PLXNA4: variants seen among roughly 807,000 people sequenced by gnomAD.
The protein encoded by PLXNA4 is plexin A4.
PLXNA4 carries 44 observed loss-of-function variants against 191.8 expected under a neutral mutation model. That is an observed-to-expected ratio of 0.23 (90% CI 0.18 to 0.29). The LOEUF (loss-of-function observed/expected upper bound fraction) is 0.29. Ranked by LOEUF, PLXNA4 falls within the 10% of genes least tolerant of loss-of-function variation. The pLI is 1.00. For missense variants in PLXNA4, 1,800 were observed against 2,488.8 expected (o/e 0.72, Z 5.89); for synonymous variants, 1,082 against 1,009.5 (o/e 1.07, Z -1.36).
intron 3 of PLXNA4, among the ~76,000 whole-genome samples, chr7:132,486,503 C>T (rs13230920): frequency 0.056 from 8,582 of 152,324 alleles, 302 homozygotes; most frequent in Non-Finnish European, 0.082. Context: ...TCTGCAGGCA[C>T]GGGAGCCGGG....
chr7:132,645,161 C>T (rs180843161), intron 2 of PLXNA4, among the ~76,000 whole-genome samples: 3 of 152,280 alleles, frequency 2.0e-5, no homozygotes, highest in Non-Finnish European at 2.9e-5. Context: ...TTCATGCAGC[C>T]GCTTCCTTTG....
chr7:132,351,522 C>G (rs1235052919), intron 3 of PLXNA4, among the ~76,000 whole-genome samples: 1 of 152,200 alleles, frequency 6.6e-6, no homozygotes, highest in South Asian at 2.1e-4. Context: ...CTCCAGCTTC[C>G]TGGGAGGGGA....
intron 25 of PLXNA4, among the ~76,000 whole-genome samples, chr7:132,152,771 T>C (rs552811750): frequency 6.6e-6 from 1 of 152,318 alleles, no homozygotes; most frequent in African/African-American, 2.4e-5. Context: ...TGCTATGAGA[T>C]GCTGAGCTCA....
intron 3 of PLXNA4, among the ~76,000 whole-genome samples, chr7:132,315,795 AAT>A (rs1801922103): frequency 6.6e-6 from 1 of 152,218 alleles, no homozygotes; most frequent in Non-Finnish European, 1.5e-5. Flanking sequence ...CATGAGGAAG[AAT>A]ATGTCCTAGG....
chr7:132,595,207 G>A (rs1254164267), intron 2 of PLXNA4, among the ~76,000 whole-genome samples: 2 of 152,046 alleles, frequency 1.3e-5, no homozygotes. Flanking sequence ...CCAGCACCCA[G>A]CAGTGATGTC....
At chr7:132,343,783 G>A (rs972652552) in intron 3 of PLXNA4, among the ~76,000 whole-genome samples, 1 of 152,134 alleles carries the variant, frequency 6.6e-6, no homozygotes, top group East Asian at 1.9e-4. Context: ...TGGGCATGGT[G>A]GTGCACACCT....
chr7:132,518,879 G>GGT (rs1192138226), intron 1 of PLXNA4, among the ~76,000 whole-genome samples: 2 of 152,100 alleles, frequency 1.3e-5, no homozygotes, highest in African/African-American at 4.8e-5. Flanking sequence ...TGGCCTGGAG[G>GGT]GTGTTCCCTC....
chr7:132,415,826 T>C (rs529979362), intron 3 of PLXNA4, among the ~76,000 whole-genome samples: 1 of 152,252 alleles, frequency 6.6e-6, no homozygotes, highest in South Asian at 2.1e-4. Flanking sequence ...CTGCAGCTAG[T>C]AAGTGGTCAA....
chr7:132,128,361 G>T lies in PLXNA4; in HGVS notation c.*2118C>A, dbSNP rs1273103600. The T allele has an allele frequency of 3.3e-5, 5 of 151,874 alleles. No individual in the cohort carries two copies. 9.4% of individuals were successfully genotyped at this position (151,874 alleles called of 1,614,324 possible). ...GTTGCTCATGTCTTTTCCACCATCTGTCCTCTGCGATGTCACATGATGCCC... is the reference window on the plus strand; with the variant it reads ...GTTGCTCATGTCTTTTCCACCATCTTTCCTCTGCGATGTCACATGATGCCC... On this transcript the variant is annotated 3_prime_UTR_variant, in exon 32 of 32. Coordinates refer to ENST00000321063, the MANE Select transcript of PLXNA4 (RefSeq NM_020911.2).
At chr7:132,283,599 C>T (rs376665299) in intron 4 of PLXNA4, among the ~76,000 whole-genome samples, 2 of 93,772 alleles carry the variant, frequency 2.1e-5, no homozygotes, top group African/African-American at 7.0e-5. Context: ...CAGAACAGCA[C>T]ACACAAAAAA....
chr7:132,149,255 G>T (rs989394185), intron 25 of PLXNA4, among the ~76,000 whole-genome samples: 3 of 152,124 alleles, frequency 2.0e-5, no homozygotes, highest in African/African-American at 7.2e-5. Context: ...TGATATCAAC[G>T]TTGTAATCTA....
At chr7:132,434,814 T>C (rs755897707) in intron 3 of PLXNA4, among the ~76,000 whole-genome samples, 2 of 152,170 alleles carry the variant, frequency 1.3e-5, no homozygotes, top group Non-Finnish European at 2.9e-5. Flanking sequence ...GGTACAGATG[T>C]AGAGAGTTAG....
rs1354532389 is a variant in PLXNA4, at chr7:132,489,925, A to G, written c.1189-451T>C. Among the ~76,000 whole-genome samples, 3 of 152,216 alleles carry G rather than the reference A, an allele frequency of 2.0e-5. No individual in the cohort carries two copies. The East Asian group carries it at 5.8e-4, about 29-fold the overall frequency. ...ACACAAAGAGGAATGTGGTCTTCGT[A>G]TCTATACAGAAGAGGGATGTGGTCT... On this transcript the variant is annotated intron_variant, in intron 2 of 31. Transcript: ENST00000321063.
At chr7:132,516,331 C>G (rs1002577585) in intron 1 of PLXNA4, among the ~76,000 whole-genome samples, 1 of 151,928 alleles carries the variant, frequency 6.6e-6, no homozygotes, top group Non-Finnish European at 1.5e-5. Flanking sequence ...AGAGAAACTA[C>G]GTCTTTCGTA....
intron 27 of PLXNA4, among the ~76,000 whole-genome samples, chr7:132,147,122 T>A (rs1052549702): frequency 1.3e-5 from 2 of 152,208 alleles, no homozygotes; most frequent in Admixed American, 1.3e-4. Flanking sequence ...GGATGAGTAA[T>A]CACTGGGTAA....
chr7:132,435,832 G>A (rs1173519888), intron 3 of PLXNA4, among the ~76,000 whole-genome samples: 1 of 152,114 alleles, frequency 6.6e-6, no homozygotes, highest in Non-Finnish European at 1.5e-5. Flanking sequence ...CCCCTACAAA[G>A]CTCTAAGCTT....
intron 23 of PLXNA4, among the ~76,000 whole-genome samples, chr7:132,164,883 G>A (rs925202184): frequency 1.9e-4 from 29 of 152,318 alleles, no homozygotes; most frequent in African/African-American, 6.7e-4. Context: ...ACCATGCAGG[G>A]CCTCTCAGGG....
rs144497226 is a variant in PLXNA4, at chr7:132,479,807, T to G, written c.1371+9485A>C. On this transcript the variant is annotated intron_variant, in intron 3 of 31. Transcript: ENST00000321063. ...TGGGACTACAGGCATGTACCATCAT[T>G]CCCAGCTAATTTTGTTTATTTTTAT... is the stretch of plus-strand genomic sequence containing the variant. Among the ~76,000 whole-genome samples the G allele has an allele frequency of 5.6e-3, 846 of 152,144 alleles. 17 individuals are homozygous for G. The highest frequency in any genetic ancestry group is 0.02 in the African/African-American group (810 of 41,500).
intron 21 of PLXNA4, among the ~76,000 whole-genome samples, chr7:132,173,273 G>T (rs1471730700): frequency 6.6e-6 from 1 of 152,184 alleles, no homozygotes; most frequent in Non-Finnish European, 1.5e-5. Context: ...GTAGGACTGG[G>T]GGAGGAGCAA....
Sources: gnomAD v4.1 joint callset for allele counts (sites outside exome capture counted in the v4.1 genomes callset) on GRCh38, gnomAD v4.1.1 for gene constraint, MANE v1.5 for transcripts, NCBI Gene and HGNC (gene_info 2026-07-23, HGNC 2026-07-21) for gene names.